The following XKR6 variants were observed in gnomAD, a reference collection of about 807,000 sequenced individuals.
XKR6 encodes XK related 6.
A neutral mutation model predicts 56.7 loss-of-function variants in XKR6; 22 were observed. The observed-to-expected ratio is 0.39, with a 90% CI of 0.28 to 0.55. The LOEUF (loss-of-function observed/expected upper bound fraction) is 0.55. Ranked by LOEUF, XKR6 falls within the 20% of genes least tolerant of loss-of-function variation. The probability of loss-of-function intolerance (pLI) is 0.66; values close to 1 mark genes in which losing one functional copy is unlikely to be tolerated. For missense variants in XKR6, 852 were observed against 889.0 expected (o/e 0.96, Z 0.53); for synonymous variants, 524 against 387.8 (o/e 1.35, Z -4.13).
intron 1 of XKR6, among the ~76,000 whole-genome samples, chr8:11,135,311 G>A (rs1283794838): frequency 1.3e-5 from 2 of 152,146 alleles, no homozygotes. Flanking sequence ...TTACAGGCGT[G>A]AGCCACCATG....
At chr8:10,985,218 C>T (rs1797833810) in intron 1 of XKR6, among the ~76,000 whole-genome samples, 1 of 152,028 alleles carries the variant, frequency 6.6e-6, no homozygotes, top group African/African-American at 2.4e-5. Flanking sequence ...CGGGAGGGAC[C>T]TGGTGGGAGG....
At chr8:11,086,547 G>A (rs1426550494) in intron 1 of XKR6, among the ~76,000 whole-genome samples, 2 of 152,176 alleles carry the variant, frequency 1.3e-5, no homozygotes. Context: ...CCACATGAAG[G>A]CAACCCTAGA....
intron 1 of XKR6, among the ~76,000 whole-genome samples, chr8:11,086,860 C>G (rs565270601): frequency 3.3e-5 from 5 of 152,336 alleles, no homozygotes; most frequent in South Asian, 4.1e-4. Context: ...AGATTTAACA[C>G]TAGAAATATT....
intron 1 of XKR6, among the ~76,000 whole-genome samples, chr8:10,967,752 C>T (rs879860607): frequency 3.3e-5 from 5 of 152,202 alleles, no homozygotes; most frequent in East Asian, 1.9e-4. Context: ...CCTACAGCGA[C>T]GTGCTGGAGC....
At chr8:11,161,038 T>C (rs1801780317) in intron 1 of XKR6, among the ~76,000 whole-genome samples, 1 of 152,138 alleles carries the variant, frequency 6.6e-6, no homozygotes, top group African/African-American at 2.4e-5. Flanking sequence ...CTTAAGATTT[T>C]TAAGATTCCA....
intron 1 of XKR6, chr8:11,114,036 C>T: frequency 2.4e-6 from 1 of 423,862 alleles, no homozygotes; most frequent in South Asian, 1.7e-5. Context: ...AGTCAGAAAT[C>T]AGATGACCTC....
chr8:10,976,935 G>A (rs1802584694), intron 1 of XKR6, among the ~76,000 whole-genome samples: 1 of 152,116 alleles, frequency 6.6e-6, no homozygotes, highest in Non-Finnish European at 1.5e-5. Context: ...GCAGGAGGTG[G>A]TCCCTGCTGA....
chr8:10,960,021 CTTAAAAT>C (rs1218728511), intron 1 of XKR6, among the ~76,000 whole-genome samples: 1 of 152,190 alleles, frequency 6.6e-6, no homozygotes, highest in Non-Finnish European at 1.5e-5. Context: ...GGGGGGCCTC[CTTAAAAT>C]TTGCACCTGG....
At chr8:11,144,223 A>AGTGTGTGTGTGGGT (rs1800861939) in intron 1 of XKR6, among the ~76,000 whole-genome samples, 1 of 136,422 alleles carries the variant, frequency 7.3e-6, no homozygotes, top group East Asian at 2.1e-4. Context: ...TTAAATAAAA[A>AGTGTGTGTGTGGGT]GTGTGTGTGT....
intron 1 of XKR6, among the ~76,000 whole-genome samples, chr8:11,099,012 G>A (rs1442384023): frequency 6.6e-6 from 1 of 152,126 alleles, no homozygotes; most frequent in Non-Finnish European, 1.5e-5. Flanking sequence ...GGAGAATAAT[G>A]AGCTTCTTCC....
At chr8:11,107,258 G>A (rs947451388) in intron 1 of XKR6, among the ~76,000 whole-genome samples, 4 of 151,658 alleles carry the variant, frequency 2.6e-5, no homozygotes, top group African/African-American at 9.7e-5. Context: ...GAAGTGCAGT[G>A]GCACGATCAC....
intron 1 of XKR6, among the ~76,000 whole-genome samples, chr8:11,127,228 C>A (rs1234316452): frequency 6.6e-6 from 1 of 152,146 alleles, no homozygotes; most frequent in Non-Finnish European, 1.5e-5. Flanking sequence ...GGTGGTTATT[C>A]TGTTCTACAA....
At chr8:10,970,340 GC>G (rs1183897046) in intron 1 of XKR6, among the ~76,000 whole-genome samples, 1 of 152,220 alleles carries the variant, frequency 6.6e-6, no homozygotes, top group Admixed American at 6.5e-5. Flanking sequence ...TCCAATGAGG[GC>G]ACTGGACCAA....
At chr8:11,199,901 C>T (rs1463354859) in intron 1 of XKR6, among the ~76,000 whole-genome samples, 1 of 152,042 alleles carries the variant, frequency 6.6e-6, no homozygotes, top group Non-Finnish European at 1.5e-5. Flanking sequence ...TAACACCAAA[C>T]GCTCGCGCCC....
At chr8:10,955,126 C>T (rs181047131) in intron 1 of XKR6, among the ~76,000 whole-genome samples, 223 of 152,166 alleles carry the variant, frequency 1.5e-3, no homozygotes, top group Middle Eastern at 3.4e-3. Context: ...GCCTTGGCCT[C>T]CCAAAGTGCT....
intron 1 of XKR6, among the ~76,000 whole-genome samples, chr8:10,972,253 A>C (rs572724927): frequency 1.3e-5 from 2 of 152,318 alleles, no homozygotes; most frequent in African/African-American, 4.8e-5. Context: ...CTAGGAAAAA[A>C]ACAACATGAA....
intron 1 of XKR6, among the ~76,000 whole-genome samples, chr8:11,058,450 G>C (rs909180938): frequency 2.6e-5 from 4 of 152,192 alleles, no homozygotes; most frequent in Non-Finnish European, 5.9e-5. Flanking sequence ...ATGCCCATCA[G>C]TGATAGACTG....
At chr8:11,154,610 G>T (rs901676358) in intron 1 of XKR6, among the ~76,000 whole-genome samples, 4 of 152,232 alleles carry the variant, frequency 2.6e-5, no homozygotes, top group African/African-American at 9.6e-5. Context: ...GGTGTGAGAA[G>T]TGAGAGTAGT....
chr8:10,943,107 G>T (rs1801434296), intron 1 of XKR6, among the ~76,000 whole-genome samples: 1 of 152,218 alleles, frequency 6.6e-6, no homozygotes, highest in African/African-American at 2.4e-5. Context: ...ACTCTGCCCA[G>T]GTCAGAGCCT....
Sources: allele counts gnomAD v4.1 joint callset (sites outside exome capture counted in the v4.1 genomes callset), GRCh38; gene constraint gnomAD v4.1.1; transcripts MANE v1.5; gene names NCBI Gene and HGNC (gene_info 2026-07-23, HGNC 2026-07-21).